Variants in CADM2 observed in about 807,000 individuals in gnomAD.
The protein encoded by CADM2 is cell adhesion molecule 2, also known as immunoglobulin superfamily member 4D.
Under a neutral mutation model 49.8 loss-of-function variants are expected in CADM2, and 12 were observed. The observed-to-expected ratio is 0.24, with a 90% confidence interval of 0.15 to 0.39. The LOEUF (loss-of-function observed/expected upper bound fraction) is 0.39, where lower values mean the gene tolerates loss of function less well. CADM2 is among the 10% of genes least tolerant of loss of function. The pLI is 1.00. For missense variants in CADM2, 378 were observed against 492.3 expected (o/e 0.77, Z 2.20); for synonymous variants, 214 against 175.4 (o/e 1.22, Z -1.74).
At chr3:85,603,813 A>G (rs865944904) in intron 1 of CADM2, among the ~76,000 whole-genome samples, 1 of 151,970 alleles carries the variant, frequency 6.6e-6, no homozygotes, top group Non-Finnish European at 1.5e-5. Context: ...ACTAGACTTC[A>G]TAAGGACTTT....
intron 1 of CADM2, among the ~76,000 whole-genome samples, chr3:85,225,329 T>C (rs980390853): frequency 3.3e-5 from 5 of 152,322 alleles, no homozygotes; most frequent in African/African-American, 1.2e-4. Flanking sequence ...CCCTTGTAAG[T>C]TGGATTCCTA....
chr3:85,814,175 C>T (rs564079040), intron 3 of CADM2, among the ~76,000 whole-genome samples: 1 of 152,224 alleles, frequency 6.6e-6, no homozygotes, highest in East Asian at 1.9e-4. Flanking sequence ...TATCCATGAG[C>T]ATGGAATGTT....
chr3:85,374,708 A>G (rs938933424), intron 1 of CADM2, among the ~76,000 whole-genome samples: 10 of 152,278 alleles, frequency 6.6e-5, no homozygotes, highest in Admixed American at 3.3e-4. Context: ...AGAAAAGTCA[A>G]TCTTACATGG....
At chr3:85,711,168 A>G (rs917871134) in intron 1 of CADM2, among the ~76,000 whole-genome samples, 6 of 152,164 alleles carry the variant, frequency 3.9e-5, no homozygotes, top group Non-Finnish European at 7.4e-5. Context: ...TTCTTTGTGA[A>G]TGAAATATAT....
chr3:85,260,522 G>A (rs1361113200), intron 1 of CADM2, among the ~76,000 whole-genome samples: 1 of 152,078 alleles, frequency 6.6e-6, no homozygotes, highest in African/African-American at 2.4e-5. Context: ...GTAAGTAATT[G>A]TAGCTGTTGT....
intron 1 of CADM2, among the ~76,000 whole-genome samples, chr3:85,520,911 G>A (rs2106896304): frequency 6.6e-6 from 1 of 152,118 alleles, no homozygotes; most frequent in African/African-American, 2.4e-5. Flanking sequence ...ACTAAACTGT[G>A]ATAATCAGGA....
At chr3:85,102,005 A>G (rs928315571) in intron 1 of CADM2, among the ~76,000 whole-genome samples, 3 of 152,184 alleles carry the variant, frequency 2.0e-5, no homozygotes, top group Admixed American at 6.5e-5. Context: ...AATGTCCTTG[A>G]TCCATAAAGC....
At chr3:85,572,632 T>C (rs2062513217) in intron 1 of CADM2, among the ~76,000 whole-genome samples, 1 of 152,152 alleles carries the variant, frequency 6.6e-6, no homozygotes, top group African/African-American at 2.4e-5. Flanking sequence ...AAGCCAATGG[T>C]ATAACTCTTG....
chr3:85,884,133 C>T (rs1203836191), intron 4 of CADM2, among the ~76,000 whole-genome samples: 1 of 152,184 alleles, frequency 6.6e-6, no homozygotes, highest in Non-Finnish European at 1.5e-5. Flanking sequence ...AGTTGCAGCT[C>T]TGAGCTCTCT....
chr3:85,200,732 T>C (rs1212541591), intron 1 of CADM2, among the ~76,000 whole-genome samples: 1 of 152,112 alleles, frequency 6.6e-6, no homozygotes, highest in African/African-American at 2.4e-5. Flanking sequence ...AAATGTTGGA[T>C]TTTTACAACC....
At chr3:85,490,294 T>G (rs2107645182) in intron 1 of CADM2, among the ~76,000 whole-genome samples, 1 of 152,264 alleles carries the variant, frequency 6.6e-6, no homozygotes, top group South Asian at 2.1e-4. Flanking sequence ...TCTCTAACTG[T>G]AACTCAAATT....
At chr3:85,897,764 T>C (rs1027731799) in intron 5 of CADM2, among the ~76,000 whole-genome samples, 2 of 152,196 alleles carry the variant, frequency 1.3e-5, no homozygotes, top group African/African-American at 4.8e-5. Context: ...ACATCAGTTG[T>C]ATAAAACTTT....
intron 1 of CADM2, among the ~76,000 whole-genome samples, chr3:85,697,033 C>A (rs2066579418): frequency 6.7e-6 from 1 of 148,756 alleles, no homozygotes; most frequent in Non-Finnish European, 1.5e-5. Context: ...CTTCATAGAG[C>A]TTCATATTGC....
chr3:85,850,420 G>A (rs1355733753), intron 3 of CADM2, among the ~76,000 whole-genome samples: 1 of 146,786 alleles, frequency 6.8e-6, no homozygotes, highest in Non-Finnish European at 1.5e-5. Context: ...CGCCTCCCGG[G>A]TTCACACCAT....
At chr3:85,494,803 A>C (rs570737580) in intron 1 of CADM2, among the ~76,000 whole-genome samples, 5 of 152,198 alleles carry the variant, frequency 3.3e-5, no homozygotes, top group Non-Finnish European at 5.9e-5. Flanking sequence ...TAATGCGTTC[A>C]TAATTTATAG....
chr3:85,005,018 A>G (rs2033655286), intron 1 of CADM2, among the ~76,000 whole-genome samples: 1 of 152,196 alleles, frequency 6.6e-6, no homozygotes, highest in Non-Finnish European at 1.5e-5. Context: ...TCAGTCTAAT[A>G]TCATGAGAAA....
intron 2 of CADM2, among the ~76,000 whole-genome samples, chr3:85,766,729 T>G (rs2069674545): frequency 6.6e-6 from 1 of 152,188 alleles, no homozygotes; most frequent in Non-Finnish European, 1.5e-5. Context: ...TGAGTCCCAT[T>G]GTCCAATTTT....
chr3:85,937,740 A>G (rs1721351895), intron 7 of CADM2, among the ~76,000 whole-genome samples: 1 of 151,932 alleles, frequency 6.6e-6, no homozygotes, highest in South Asian at 2.1e-4. Flanking sequence ...TTTCTTCTAT[A>G]TTTATATTAT....
rs200669211 is a variant in CADM2 at position 85,849,350 on chromosome 3, TC to T, written c.239-33940del. 8.7e-3 allele frequency among the ~76,000 whole-genome samples: 1,325 copies of T among 152,340 alleles called. 14 individuals are homozygous for T. The highest frequency in any genetic ancestry group is 0.041 in the Middle Eastern group (12 of 294). ...TGAACAAATACTGTTATCTTAGGAA[TC>T]GTATATATGCTACTGTTTACTGAAT... is the stretch of plus-strand genomic sequence containing the variant. On this transcript the variant is annotated intron_variant, in intron 3 of 9. Transcript: ENST00000383699.
Sources: gnomAD v4.1 joint callset for allele counts (sites outside exome capture counted in the v4.1 genomes callset) on GRCh38, gnomAD v4.1.1 for gene constraint, MANE v1.5 for transcripts, NCBI Gene and HGNC (gene_info 2026-07-23, HGNC 2026-07-21) for gene names.